PLXNA4: variants seen among roughly 807,000 people sequenced by gnomAD.
PLXNA4 encodes plexin-A4.
PLXNA4 carries 44 observed loss-of-function variants against 191.8 expected under a neutral mutation model. The ratio of observed to expected loss-of-function variants is 0.23; its 90% confidence interval spans 0.18 to 0.29. PLXNA4 has a LOEUF of 0.29. Among genes scored for constraint, PLXNA4 ranks in the 10% least tolerant of loss-of-function variants. PLXNA4 has a pLI of 1.00. For synonymous variants in PLXNA4, 1,082 were observed against 1,009.5 expected (o/e 1.07, Z -1.36); for missense variants, 1,800 against 2,488.8 (o/e 0.72, Z 5.89).
intron 3 of PLXNA4, among the ~76,000 whole-genome samples, chr7:132,331,541 T>G (rs1802590108): frequency 6.6e-6 from 1 of 152,234 alleles, no homozygotes; most frequent in Non-Finnish European, 1.5e-5. Flanking sequence ...CTCAATTGCT[T>G]TCCTCCAGAT....
At chr7:132,630,314 A>G (rs562975102) in intron 2 of PLXNA4, among the ~76,000 whole-genome samples, 1 of 152,224 alleles carries the variant, frequency 6.6e-6, no homozygotes, top group Non-Finnish European at 1.5e-5. Flanking sequence ...CAATTTCCAT[A>G]GCACACAATC....
chr7:132,598,529 AAGAGATTTGGATT>A (rs138406779), intron 2 of PLXNA4, among the ~76,000 whole-genome samples: 2,967 of 150,842 alleles, frequency 0.02, 85 homozygotes, highest in African/African-American at 0.068. Context: ...TTGCATTTTA[AAGAGATTTGGATT>A]ATTTCTGCAT....
At chr7:132,265,932 C>G (rs1799835438) in intron 4 of PLXNA4, among the ~76,000 whole-genome samples, 1 of 152,148 alleles carries the variant, frequency 6.6e-6, no homozygotes, top group South Asian at 2.1e-4. Flanking sequence ...CTAACTATAA[C>G]ATGAAAAGGG....
chr7:132,363,471 C>T (rs561333159), intron 3 of PLXNA4, among the ~76,000 whole-genome samples: 1 of 152,204 alleles, frequency 6.6e-6, no homozygotes, highest in Non-Finnish European at 1.5e-5. Flanking sequence ...ACTTATTTCA[C>T]TTAGCATATG....
In PLXNA4 at chr7:132,298,181, C is replaced by T. The variant is rs1295578970; in HGVS notation, c.1413G>A (p.Glu471=). The T allele has an allele frequency of 6.2e-7, 1 of 1,614,198 alleles. No homozygotes were observed. Among genetic ancestry groups the T allele is most frequent in the Non-Finnish European group, 8.5e-7 (1 of 1,180,024 alleles). The change falls in exon 4 of 32, where the codon GAG becomes GAA. Residue 471 remains glutamate (E), a synonymous_variant. Coordinates refer to ENST00000321063, the MANE Select transcript of PLXNA4 (RefSeq NM_020911.2). ...GGCCGGGGTCCACCACCTGCACCGT[C>T]TCATACTGGAGGGCGTTGCCCCTGG... ...DGPRGNALQY[E]TVQVVDPGPV...
intron 1 of PLXNA4, among the ~76,000 whole-genome samples, chr7:132,534,223 G>A (rs1214681072): frequency 6.6e-6 from 1 of 152,124 alleles, no homozygotes; most frequent in Non-Finnish European, 1.5e-5. Context: ...TACTTGGCTG[G>A]AACAGGGATA....
intron 4 of PLXNA4, among the ~76,000 whole-genome samples, chr7:132,279,681 T>C (rs955768498): frequency 3.9e-5 from 6 of 152,232 alleles, no homozygotes; most frequent in Admixed American, 2.0e-4. Flanking sequence ...AGTCAAGGTC[T>C]CACAAGTCAA....
chr7:132,397,330 T>C (rs1458136197), intron 3 of PLXNA4, among the ~76,000 whole-genome samples: 1 of 152,218 alleles, frequency 6.6e-6, no homozygotes, highest in Non-Finnish European at 1.5e-5. Flanking sequence ...ATCTGAAACC[T>C]GCAGCAATGA....
At chr7:132,634,842 G>T (rs1387475098) in intron 2 of PLXNA4, among the ~76,000 whole-genome samples, 12 of 152,180 alleles carry the variant, frequency 7.9e-5, no homozygotes, top group African/African-American at 1.2e-4. Context: ...TTGATTCTGG[G>T]TGTCTCTGTG....
intron 29 of PLXNA4, among the ~76,000 whole-genome samples, chr7:132,141,130 A>G (rs1795255254): frequency 6.6e-6 from 1 of 152,192 alleles, no homozygotes; most frequent in Admixed American, 6.5e-5. Context: ...AAAGGCAGCC[A>G]TGATGTATGC....
chr7:132,536,679 G>A (rs993250514), intron 1 of PLXNA4, among the ~76,000 whole-genome samples: 1 of 152,212 alleles, frequency 6.6e-6, no homozygotes, highest in Non-Finnish European at 1.5e-5. Context: ...GAGCTGCAGA[G>A]AGAGGCTGGT....
chr7:132,402,931 AACAAAAC>A (rs1203781731), intron 3 of PLXNA4, among the ~76,000 whole-genome samples: 2 of 152,230 alleles, frequency 1.3e-5, no homozygotes, highest in African/African-American at 4.8e-5. Flanking sequence ...AGAGCTCATT[AACAAAAC>A]ACAAAACACT....
intron 1 of PLXNA4, among the ~76,000 whole-genome samples, chr7:132,646,537 C>T (rs77465426): frequency 0.066 from 10,001 of 152,068 alleles, 729 homozygotes; most frequent in East Asian, 0.35. Flanking sequence ...GGAAGAGAGA[C>T]CAGAGTGCTC....
chr7:132,151,336 G>GAGGAGGAGGAGGAAGAAGA (rs1562884984), intron 25 of PLXNA4, among the ~76,000 whole-genome samples: 2 of 69,616 alleles, frequency 2.9e-5, no homozygotes, highest in African/African-American at 1.1e-4. Flanking sequence ...GAAGAAGAAG[G>GAGGAGGAGGAGGAAGAAGA]AGGAGGAGGA....
chr7:132,346,191 C>A (rs958099146), intron 3 of PLXNA4, among the ~76,000 whole-genome samples: 15 of 152,146 alleles, frequency 9.9e-5, no homozygotes, highest in Admixed American at 2.0e-4. Flanking sequence ...TGTCTCCGAG[C>A]CTCATAAAAT....
intron 22 of PLXNA4, among the ~76,000 whole-genome samples, chr7:132,165,540 C>A (rs1395727439): frequency 6.6e-6 from 1 of 152,168 alleles, no homozygotes; most frequent in Non-Finnish European, 1.5e-5. Flanking sequence ...ATATGGCAAC[C>A]ACCGGCCACA....
intron 21 of PLXNA4, among the ~76,000 whole-genome samples, chr7:132,170,627 G>A (rs566700888): frequency 6.6e-6 from 1 of 152,356 alleles, no homozygotes; most frequent in Non-Finnish European, 1.5e-5. Flanking sequence ...CAGGAGGCCG[G>A]GTTCAGTCAG....
At chr7:132,218,594 T>C (rs1798043860) in intron 9 of PLXNA4, among the ~76,000 whole-genome samples, 2 of 152,204 alleles carry the variant, frequency 1.3e-5, no homozygotes, top group African/African-American at 4.8e-5. Context: ...TCCTCAAGCA[T>C]CATCTTTAAG....
At chr7:132,543,656 C>T (rs1244848936) in intron 1 of PLXNA4, among the ~76,000 whole-genome samples, 1 of 152,126 alleles carries the variant, frequency 6.6e-6, no homozygotes, top group African/African-American at 2.4e-5. Context: ...AAGATAAACC[C>T]AAACAATAGG....
Sources: gnomAD v4.1 joint callset for allele counts (sites outside exome capture counted in the v4.1 genomes callset) on GRCh38, gnomAD v4.1.1 for gene constraint, MANE v1.5 for transcripts, NCBI Gene and HGNC (gene_info 2026-07-23, HGNC 2026-07-21) for gene names.